The following ADAMTSL1 variants were observed in gnomAD, a reference collection of about 807,000 sequenced individuals.
ADAMTSL1 encodes the protein ADAMTS-like protein 1.
A neutral mutation model predicts 201.8 loss-of-function variants in ADAMTSL1; 126 were observed. The observed-to-expected ratio is 0.62, with a 90% CI of 0.54 to 0.72. ADAMTSL1 has a LOEUF of 0.72. ADAMTSL1 is among the 30% of genes least tolerant of loss of function. The pLI, the probability that ADAMTSL1 is intolerant of heterozygous loss-of-function variation, is 0.00. For missense variants in ADAMTSL1, 2,679 were observed against 2,277.8 expected (o/e 1.18, Z -3.59); for synonymous variants, 1,121 against 903.4 (o/e 1.24, Z -4.32).
chr9:18,515,012 A>G (rs994485537), intron 2 of ADAMTSL1, among the ~76,000 whole-genome samples: 7 of 152,346 alleles, frequency 4.6e-5, no homozygotes, highest in African/African-American at 1.7e-4. Context: ...ATTTTTCTGC[A>G]TCTTTCAAAG....
At chr9:18,657,973 CTTTTT>C (rs33924965) in intron 8 of ADAMTSL1, among the ~76,000 whole-genome samples, 7 of 126,338 alleles carry the variant, frequency 5.5e-5, no homozygotes, top group African/African-American at 6.1e-5. Flanking sequence ...AGGAAACAGT[CTTTTT>C]TTTTTTTTTT....
intron 2 of ADAMTSL1, among the ~76,000 whole-genome samples, chr9:18,359,817 C>CA (rs1836425376): frequency 1.0e-5 from 1 of 97,572 alleles, no homozygotes; most frequent in African/African-American, 4.7e-5. Context: ...AATGCCCCAC[C>CA]TCCCCACCCG....
intron 2 of ADAMTSL1, among the ~76,000 whole-genome samples, chr9:18,331,811 A>C (rs1162010673): frequency 6.6e-6 from 1 of 152,210 alleles, no homozygotes; most frequent in Non-Finnish European, 1.5e-5. Flanking sequence ...AGTCTTCCTT[A>C]ATCCAGCAAT....
chr9:18,601,654 A>G (rs2132541098), intron 4 of ADAMTSL1, among the ~76,000 whole-genome samples: 1 of 152,292 alleles, frequency 6.6e-6, no homozygotes, highest in Non-Finnish European at 1.5e-5. Context: ...TTTCTAAATT[A>G]GGGATTTGGT....
Position 18,128,366 on chromosome 9 carries a change from A to AT in ADAMTSL1, c.88-35488dup, listed in dbSNP as rs561756822. Among the ~76,000 whole-genome samples the AT allele has an allele frequency of 2.2e-3, 330 of 151,922 alleles. 2 individuals carry two copies. Among genetic ancestry groups the AT allele is most frequent in the African/African-American group, 7.6e-3 (313 of 41,416 alleles). The stretch of plus-strand genomic sequence containing the variant: ...AGAAACAGCTTGAAGTTGCACAATA[A>AT]TTTTTTTTCCCTGGAGACAGGGTCT... On this transcript the variant is annotated intron_variant, in intron 1 of 29. Coordinates refer to the ADAMTSL1 transcript ENST00000680146.
At chr9:18,807,895 G>A (rs1379739190) in intron 20 of ADAMTSL1, among the ~76,000 whole-genome samples, 1 of 152,034 alleles carries the variant, frequency 6.6e-6, no homozygotes, top group Non-Finnish European at 1.5e-5. Context: ...GGTTAAACTA[G>A]TACTAGTTAA....
chr9:18,037,466 T>C (rs536356525), intron 1 of ADAMTSL1, among the ~76,000 whole-genome samples: 1 of 152,318 alleles, frequency 6.6e-6, no homozygotes, highest in East Asian at 1.9e-4. Context: ...TTGCTTAACT[T>C]CTTAGAGACT....
intron 2 of ADAMTSL1, among the ~76,000 whole-genome samples, chr9:18,274,199 G>T (rs566763644): frequency 6.6e-6 from 1 of 152,192 alleles, no homozygotes; most frequent in Non-Finnish European, 1.5e-5. Context: ...AAGAAAGCTC[G>T]AATCTTTATC....
chr9:18,172,061 A>G (rs978449696), intron 2 of ADAMTSL1, among the ~76,000 whole-genome samples: 1 of 146,914 alleles, frequency 6.8e-6, no homozygotes, highest in African/African-American at 2.5e-5. Context: ...TCTCACTCAT[A>G]AGTGGGAGCT....
At chr9:17,955,572 A>G (rs1011887030) in intron 1 of ADAMTSL1, among the ~76,000 whole-genome samples, 7 of 152,260 alleles carry the variant, frequency 4.6e-5, no homozygotes, top group African/African-American at 1.7e-4. Flanking sequence ...TTTAAATTAC[A>G]CCACTTCTGA....
At chr9:17,922,941 G>A (rs1234216868) in intron 1 of ADAMTSL1, among the ~76,000 whole-genome samples, 2 of 152,104 alleles carry the variant, frequency 1.3e-5, no homozygotes, top group African/African-American at 2.4e-5. Flanking sequence ...CAACCCTTAC[G>A]CCCCTCGTGT....
intron 1 of ADAMTSL1, among the ~76,000 whole-genome samples, chr9:18,097,121 C>A (rs964660081): frequency 6.6e-6 from 1 of 152,262 alleles, no homozygotes; most frequent in Non-Finnish European, 1.5e-5. Flanking sequence ...AACGTTGATC[C>A]CCATTGCAAG....
At chr9:18,699,116 G>C (rs780053880) in intron 13 of ADAMTSL1, among the ~76,000 whole-genome samples, 10 of 152,124 alleles carry the variant, frequency 6.6e-5, no homozygotes, top group Non-Finnish European at 1.0e-4. Flanking sequence ...AGGAAAATGT[G>C]CTCTTTAATG....
chr9:18,497,529 C>A (rs976525794), intron 1 of ADAMTSL1, among the ~76,000 whole-genome samples: 1 of 151,948 alleles, frequency 6.6e-6, no homozygotes, highest in African/African-American at 2.4e-5. Flanking sequence ...AAATCTCTAT[C>A]AAAAAAATGC....
intron 7 of ADAMTSL1, among the ~76,000 whole-genome samples, chr9:18,648,346 G>T (rs1343776936): frequency 6.6e-6 from 1 of 150,464 alleles, no homozygotes; most frequent in East Asian, 2.0e-4. Flanking sequence ...TATCCAATTT[G>T]CCAGTCTGTG....
intron 19 of ADAMTSL1, among the ~76,000 whole-genome samples, chr9:18,784,279 G>A (rs1421466399): frequency 6.6e-6 from 1 of 152,054 alleles, no homozygotes; most frequent in African/African-American, 2.4e-5. Context: ...TTAGCTGTTA[G>A]TTTTTCTGGA....
At chr9:18,100,985 C>T (rs142294936) in intron 1 of ADAMTSL1, among the ~76,000 whole-genome samples, 1 of 152,232 alleles carries the variant, frequency 6.6e-6, no homozygotes, top group African/African-American at 2.4e-5. Flanking sequence ...GGCTTGTCCT[C>T]GCCTGCATGT....
intron 1 of ADAMTSL1, among the ~76,000 whole-genome samples, chr9:17,967,182 A>T (rs933804071): frequency 6.6e-6 from 1 of 152,128 alleles, no homozygotes; most frequent in African/African-American, 2.4e-5. Context: ...GAAATAAACA[A>T]ATACCCGTAC....
intron 1 of ADAMTSL1, among the ~76,000 whole-genome samples, chr9:18,501,440 G>T (rs948361894): frequency 4.0e-5 from 6 of 149,414 alleles, no homozygotes; most frequent in African/African-American, 1.2e-4. Flanking sequence ...GAGCCCAGGA[G>T]GTCAAGGCTG....
Sources: gnomAD v4.1 joint callset for allele counts (sites outside exome capture counted in the v4.1 genomes callset) on GRCh38, gnomAD v4.1.1 for gene constraint, MANE v1.5 for transcripts, NCBI Gene and HGNC (gene_info 2026-07-23, HGNC 2026-07-21) for gene names.